The following TM9SF3 variants were observed in gnomAD, a reference collection of about 807,000 sequenced individuals.
TM9SF3 encodes the protein SM-11044-binding protein.
TM9SF3 carries 14 observed loss-of-function variants against 78.6 expected under a neutral mutation model. The ratio of observed to expected loss-of-function variants is 0.18; its 90% confidence interval spans 0.12 to 0.28. The LOEUF (loss-of-function observed/expected upper bound fraction) is 0.28, where lower values mean the gene tolerates loss of function less well. Among genes scored for constraint, TM9SF3 ranks in the 10% least tolerant of loss-of-function variants. The pLI is 1.00. For missense variants in TM9SF3, 496 were observed against 721.9 expected, an observed-to-expected ratio of 0.69 and a Z score of 3.59; for synonymous variants, 231 against 241.7, an observed-to-expected ratio of 0.96 and a Z score of 0.41.
At chr10:96,572,156 C>T (rs1848443770) in intron 2 of TM9SF3, among the ~76,000 whole-genome samples, 1 of 152,110 alleles carries the variant, frequency 6.6e-6, no homozygotes. Context: ...GAGCTACAGA[C>T]CCATGCTATG....
intron 9 of TM9SF3, among the ~76,000 whole-genome samples, chr10:96,535,731 T>C (rs1409486562): frequency 1.3e-5 from 2 of 152,138 alleles, no homozygotes; most frequent in Admixed American, 1.3e-4. Context: ...GGGCCTCCCT[T>C]ATCTACAACA....
At chr10:96,564,331 G>T (rs1005082793) in intron 3 of TM9SF3, among the ~76,000 whole-genome samples, 3 of 152,108 alleles carry the variant, frequency 2.0e-5, no homozygotes, top group African/African-American at 7.2e-5. Context: ...CAAACCAATG[G>T]GTTTCCCTGA....
chr10:96,564,736 T>C (rs1403741384), intron 3 of TM9SF3, among the ~76,000 whole-genome samples: 1 of 152,238 alleles, frequency 6.6e-6, no homozygotes, highest in Non-Finnish European at 1.5e-5. Context: ...GACAGCTGGC[T>C]GTGCTTTGCA....
At chr10:96,546,560 T>C (rs186999545) in intron 8 of TM9SF3, among the ~76,000 whole-genome samples, 31 of 152,324 alleles carry the variant, frequency 2.0e-4, no homozygotes, top group Admixed American at 1.9e-3. Context: ...TCATGTGTCC[T>C]TATTTCCTTA....
At chr10:96,564,520 T>C (rs1483123594) in intron 3 of TM9SF3, among the ~76,000 whole-genome samples, 2 of 152,196 alleles carry the variant, frequency 1.3e-5, no homozygotes, top group Non-Finnish European at 2.9e-5. Context: ...AATTATCTCT[T>C]GATATTAACT....
intron 9 of TM9SF3, among the ~76,000 whole-genome samples, chr10:96,538,011 A>G (rs1847980417): frequency 6.6e-6 from 1 of 152,232 alleles, no homozygotes; most frequent in South Asian, 2.1e-4. Flanking sequence ...AAAACCCCAG[A>G]AGACTTTTTA....
intron 7 of TM9SF3, among the ~76,000 whole-genome samples, chr10:96,549,124 C>T (rs1451955858): frequency 1.3e-5 from 2 of 152,160 alleles, no homozygotes; most frequent in East Asian, 3.9e-4. Flanking sequence ...CCTTCTCAAA[C>T]TCTATGCCTT....
Position 96,519,871 on chromosome 10 carries a change from G to A in TM9SF3, c.*2392C>T, listed in dbSNP as rs1847743697. ...TCCTTTTCTAAAAGACTTTAAAGGT[G>A]ATTAATATTCATTTAATGCTCTTAA... On this transcript the variant is annotated 3_prime_UTR_variant, in exon 15 of 15. Transcript: ENST00000371142. 1 of 151,802 alleles carries A rather than the reference G, an allele frequency of 6.6e-6. No individual in the cohort carries two copies. The highest frequency in any genetic ancestry group is 6.6e-5 in the Admixed American group (1 of 15,220). The allele number at this position is 151,802 out of a possible 1,614,324, so 9.4% of individuals were successfully genotyped here.
chr10:96,584,926 A>G (rs1039444739), intron 1 of TM9SF3, among the ~76,000 whole-genome samples: 11 of 152,352 alleles, frequency 7.2e-5, no homozygotes, highest in Middle Eastern at 3.4e-3. Flanking sequence ...CATCTCATAT[A>G]TACCATATTA....
intron 7 of TM9SF3, among the ~76,000 whole-genome samples, chr10:96,548,509 AT>A (rs747682435): frequency 2.0e-4 from 30 of 152,144 alleles, no homozygotes; most frequent in Non-Finnish European, 3.4e-4. Flanking sequence ...GCTGAAAATG[AT>A]TTTTAGGCCG....
intron 1 of TM9SF3, 150 bp from the exon 2 acceptor site, chr10:96,576,979 G>T: frequency 1.8e-6 from 1 of 557,882 alleles, no homozygotes; most frequent in Non-Finnish European, 2.8e-6. Context: ...GATGATGAAT[G>T]TCCACATCTT....
chr10:96,522,432 T>C (rs1021742184), intron 14 of TM9SF3, 102 bp from the exon 15 acceptor site: 2 of 906,382 alleles, frequency 2.2e-6, no homozygotes, highest in Non-Finnish European at 3.2e-6. Context: ...TATTCTTTTT[T>C]AAAGAAAATA....
chr10:96,558,059 C>G (rs942607201), intron 5 of TM9SF3, among the ~76,000 whole-genome samples: 1 of 152,136 alleles, frequency 6.6e-6, no homozygotes, highest in African/African-American at 2.4e-5. Flanking sequence ...GTAATAAATA[C>G]AGTATACCAT....
chr10:96,545,328 T>A (rs1190105754), intron 8 of TM9SF3, among the ~76,000 whole-genome samples: 1 of 152,188 alleles, frequency 6.6e-6, no homozygotes, highest in Non-Finnish European at 1.5e-5. Flanking sequence ...TTCTGCTATA[T>A]AAAGTTCTTT....
intron 1 of TM9SF3, among the ~76,000 whole-genome samples, chr10:96,580,309 A>T (rs1228312145): frequency 6.6e-6 from 1 of 152,016 alleles, no homozygotes; most frequent in Non-Finnish European, 1.5e-5. Context: ...TCTGTCGCCC[A>T]GGCTGCAGTG....
In TM9SF3 at chr10:96,565,301, T is replaced by C; in HGVS notation, c.421+3A>G. On this transcript the variant is annotated splice_donor_region_variant and intron_variant, in intron 3 of 14. Coordinates refer to ENST00000371142, the MANE Select transcript of TM9SF3 (RefSeq NM_020123.4). The stretch of plus-strand genomic sequence containing the variant: ...AATCTTAAATACAACATACAATACT[T>C]ACCCCATATTGGTAAATCATCTATG... The C allele has an allele frequency of 6.5e-7, 1 of 1,537,612 alleles. No individual in the cohort carries two copies. The highest frequency in any genetic ancestry group is 8.7e-7 in the Non-Finnish European group (1 of 1,154,378).
At chr10:96,567,295 G>A (rs916441312) in intron 2 of TM9SF3, among the ~76,000 whole-genome samples, 4 of 152,006 alleles carry the variant, frequency 2.6e-5, no homozygotes, top group African/African-American at 9.7e-5. Context: ...CATGTTAGCA[G>A]GCTGGTCTTG....
intron 10 of TM9SF3, among the ~76,000 whole-genome samples, chr10:96,531,670 T>C (rs913789219): frequency 2.0e-5 from 3 of 152,054 alleles, no homozygotes; most frequent in Admixed American, 2.0e-4. Flanking sequence ...GAGAGGCAGA[T>C]CTAGTATTCA....
rs1046664550 is a variant in TM9SF3 at position 96,518,954 on chromosome 10, G to C, written c.*3309C>G. 1 of 151,996 alleles carries C rather than the reference G, an allele frequency of 6.6e-6. No homozygotes were observed. Among genetic ancestry groups the C allele is most frequent in the African/African-American group, 2.4e-5 (1 of 41,430 alleles). 9.4% of individuals were successfully genotyped at this position (151,996 alleles called of 1,614,324 possible). The stretch of plus-strand genomic sequence containing the variant: ...TATTACATGTTCCAATAAACCAATA[G>C]AATGAAGCACTAAGACACGGTGAAA... On this transcript the variant is annotated 3_prime_UTR_variant, in exon 15 of 15. Transcript: ENST00000371142.
Sources: allele counts gnomAD v4.1 joint callset (sites outside exome capture counted in the v4.1 genomes callset), GRCh38; gene constraint gnomAD v4.1.1; transcripts MANE v1.5; gene names NCBI Gene and HGNC (gene_info 2026-07-23, HGNC 2026-07-21).